Variants in CADM2 observed in about 807,000 individuals in gnomAD.
The protein encoded by CADM2 is cell adhesion molecule 2.
In CADM2, 12 loss-of-function variants were observed where a neutral mutation model predicts 49.8. The observed-to-expected ratio is 0.24, with a 90% CI of 0.15 to 0.39. The LOEUF (loss-of-function observed/expected upper bound fraction) is 0.39, where lower values mean the gene tolerates loss of function less well. Ranked by LOEUF, CADM2 falls within the 10% of genes least tolerant of loss-of-function variation. The probability of loss-of-function intolerance (pLI) is 1.00; values close to 1 mark genes in which losing one functional copy is unlikely to be tolerated. For missense variants in CADM2, 378 were observed against 492.3 expected (o/e 0.77, Z 2.20); for synonymous variants, 214 against 175.4 (o/e 1.22, Z -1.74).
At chr3:85,090,931 G>A (rs145864287) in intron 1 of CADM2, among the ~76,000 whole-genome samples, 2 of 152,212 alleles carry the variant, frequency 1.3e-5, no homozygotes, top group African/African-American at 2.4e-5. Flanking sequence ...ACTGGTTCGT[G>A]GTATCAAAAA....
chr3:85,213,545 G>C (rs2041853229), intron 1 of CADM2, among the ~76,000 whole-genome samples: 1 of 151,968 alleles, frequency 6.6e-6, no homozygotes, highest in African/African-American at 2.4e-5. Flanking sequence ...CTTTAAGGTG[G>C]TTTCCTTTAG....
intron 1 of CADM2, among the ~76,000 whole-genome samples, chr3:85,140,599 AT>A (rs1407120046): frequency 1.3e-5 from 2 of 152,192 alleles, no homozygotes; most frequent in Non-Finnish European, 2.9e-5. Context: ...ATCTCACTTA[AT>A]TCCACATTGA....
intron 8 of CADM2, among the ~76,000 whole-genome samples, chr3:86,030,630 A>C (rs572448449): frequency 2.0e-5 from 3 of 151,928 alleles, no homozygotes; most frequent in Non-Finnish European, 2.9e-5. Context: ...CTTGCTTTGT[A>C]AGCTCAGAAA....
chr3:85,174,570 C>T (rs1208428381), intron 1 of CADM2, among the ~76,000 whole-genome samples: 1 of 151,202 alleles, frequency 6.6e-6, no homozygotes, highest in Non-Finnish European at 1.5e-5. Flanking sequence ...TCAAGCATTC[C>T]TATTAAGGAT....
chr3:85,286,403 T>G (rs140464270), intron 1 of CADM2, among the ~76,000 whole-genome samples: 13 of 152,276 alleles, frequency 8.5e-5, no homozygotes, highest in Admixed American at 2.0e-4. Flanking sequence ...AGCTTGAAAT[T>G]AGGAACATCT....
chr3:85,953,257 C>T (rs1001418173), intron 7 of CADM2, among the ~76,000 whole-genome samples: 2 of 151,004 alleles, frequency 1.3e-5, no homozygotes, highest in Non-Finnish European at 3.0e-5. Flanking sequence ...TCATACACAA[C>T]TTATAGTTTG....
chr3:85,689,229 C>T (rs767150923), intron 1 of CADM2, among the ~76,000 whole-genome samples: 16 of 152,042 alleles, frequency 1.1e-4, no homozygotes, highest in Non-Finnish European at 2.2e-4. Context: ...AATGACAGAA[C>T]GATCACGGGA....
At chr3:86,023,148 A>G (rs562588058) in intron 8 of CADM2, among the ~76,000 whole-genome samples, 7 of 152,322 alleles carry the variant, frequency 4.6e-5, no homozygotes, top group African/African-American at 1.7e-4. Context: ...CAAAAATGCA[A>G]TGTGCTACAC....
At chr3:85,833,132 A>G (rs746907557) in intron 3 of CADM2, among the ~76,000 whole-genome samples, 12 of 151,962 alleles carry the variant, frequency 7.9e-5, no homozygotes, top group Admixed American at 4.6e-4. Flanking sequence ...TGATTTATGT[A>G]TACTAAACCA....
At chr3:85,910,675 T>C (rs1049379698) in intron 5 of CADM2, among the ~76,000 whole-genome samples, 18 of 152,108 alleles carry the variant, frequency 1.2e-4, no homozygotes, top group Admixed American at 2.6e-4. Context: ...TCTGTTCTTC[T>C]TTCTAAATGT....
At chr3:85,568,672 G>A (rs1276168855) in intron 1 of CADM2, among the ~76,000 whole-genome samples, 1 of 140,256 alleles carries the variant, frequency 7.1e-6, no homozygotes, top group African/African-American at 2.7e-5. Flanking sequence ...GCAGGATCTC[G>A]GCTCACTGCA....
intron 2 of CADM2, among the ~76,000 whole-genome samples, chr3:85,756,188 T>A (rs2107881796): frequency 6.6e-6 from 1 of 152,076 alleles, no homozygotes. Context: ...CACCACAGCA[T>A]AAAAAGAGAT....
At chr3:85,847,047 T>G (rs1020952744) in intron 3 of CADM2, among the ~76,000 whole-genome samples, 2 of 152,170 alleles carry the variant, frequency 1.3e-5, no homozygotes, top group African/African-American at 4.8e-5. Context: ...CAAGTCACAG[T>G]GTTTTCCATA....
At chr3:85,550,206 C>T (rs749856873) in intron 1 of CADM2, among the ~76,000 whole-genome samples, 1 of 152,118 alleles carries the variant, frequency 6.6e-6, no homozygotes, top group Non-Finnish European at 1.5e-5. Context: ...ATTTTACTAA[C>T]CTGTCCAGCA....
chr3:85,644,212 C>T (rs776732448), intron 1 of CADM2, among the ~76,000 whole-genome samples: 1 of 152,102 alleles, frequency 6.6e-6, no homozygotes, highest in Non-Finnish European at 1.5e-5. Context: ...CTTGCTGTAT[C>T]TGTACATAGA....
chr3:85,353,799 T>G (rs1003318385), intron 1 of CADM2, among the ~76,000 whole-genome samples: 12 of 152,016 alleles, frequency 7.9e-5, no homozygotes, highest in African/African-American at 2.7e-4. Flanking sequence ...AGTGAAGAAT[T>G]AGGTAATCAT....
intron 1 of CADM2, among the ~76,000 whole-genome samples, chr3:85,463,986 C>A (rs1455239295): frequency 6.6e-6 from 1 of 152,078 alleles, no homozygotes; most frequent in Non-Finnish European, 1.5e-5. Context: ...TTCGAAAGAT[C>A]ATATATTGCT....
intron 1 of CADM2, among the ~76,000 whole-genome samples, chr3:85,012,816 T>A (rs981264484): frequency 3.3e-5 from 5 of 151,588 alleles, no homozygotes; most frequent in African/African-American, 1.2e-4. Context: ...AATCCTAGTA[T>A]CATAGTATCA....
At chr3:86,044,504 C>A (rs1424723039) in intron 8 of CADM2, among the ~76,000 whole-genome samples, 10 of 152,188 alleles carry the variant, frequency 6.6e-5, no homozygotes, top group African/African-American at 1.2e-4. Context: ...ATCAAAACCA[C>A]AATGAGATAC....
Sources: allele counts gnomAD v4.1 joint callset (sites outside exome capture counted in the v4.1 genomes callset), GRCh38; gene constraint gnomAD v4.1.1; transcripts MANE v1.5; gene names NCBI Gene and HGNC (gene_info 2026-07-23, HGNC 2026-07-21).